The following MED25 variants were observed in gnomAD, a reference collection of about 807,000 sequenced individuals.
The protein encoded by MED25 is mediator complex subunit 25.
A neutral mutation model predicts 89.4 loss-of-function variants in MED25; 62 were observed. That is an observed-to-expected ratio of 0.69 (90% CI 0.57 to 0.86). The LOEUF is 0.86. Ranked by LOEUF, MED25 falls within the 40% of genes least tolerant of loss-of-function variation. The probability of loss-of-function intolerance (pLI) is 0.00; values close to 1 mark genes in which losing one functional copy is unlikely to be tolerated. For synonymous variants in MED25, 449 were observed against 427.9 expected, an observed-to-expected ratio of 1.05 and a Z score of -0.61; for missense variants, 905 against 1,005.2, an observed-to-expected ratio of 0.90 and a Z score of 1.35.
chr19:49,836,942 T>C lies in MED25; in HGVS notation c.2242T>C (p.Ter748ArgextTer6). 3.1e-6 allele frequency: 5 copies of C among 1,611,948 alleles called. No homozygotes were observed. The highest frequency in any genetic ancestry group is 4.2e-6 in the Non-Finnish European group (5 of 1,178,974). ...MEDDILMDLI[*>R] ...GGACGACATCCTCATGGATCTCATC[T>C]GAATCCCCAACACCCAATAAAGTTC... Residue 748 changes from the stop codon to arginine, a stop_lost, in exon 18 of 18, where the codon TGA (stop) becomes CGA (arginine). Transcript: ENST00000312865. The surrounding 1 kb of genome is among the most constrained non-coding windows in gnomAD (Gnocchi z 5.1).
rs769351702 is a variant in MED25 at position 49,836,181 on chromosome 19, G to C, written c.1966-45G>C. On this transcript the variant is annotated intron_variant, in intron 16 of 17. Coordinates refer to ENST00000312865, the MANE Select transcript of MED25 (RefSeq NM_030973.4). The surrounding 1 kb of genome is among the most constrained non-coding windows in gnomAD (Gnocchi z 5.1). ...AGCAGTGTCTGTGTTGAGAGGTGGG[G>C]AGTCTCTACCAGGAGCCTCTGAGCC... The C allele has an allele frequency of 3.1e-6, 5 of 1,595,660 alleles. No homozygotes were observed. The Admixed American group carries it at 6.7e-5, about 21-fold the overall frequency.
downstream of MED25, chr19:49,838,619 G>A (rs548676051): frequency 5.7e-5 from 26 of 457,366 alleles, no homozygotes; most frequent in Non-Finnish European, 9.7e-5. Flanking sequence ...CGTGTGTTTC[G>A]AGAAAAATGG....
At chr19:49,819,500 T>TG (rs1427365188) in intron 3 of MED25, 1 of 608,884 alleles carries the variant, frequency 1.6e-6, no homozygotes, top group East Asian at 3.1e-5. Context: ...AGCGATGGCT[T>TG]GGGTTTGAGC....
At chr19:49,838,931 A>G (rs1032078311), downstream of MED25, 54 of 370,886 alleles carry the variant, frequency 1.5e-4, no homozygotes, top group African/African-American at 1.1e-3. Context: ...GCAGATGGCA[A>G]GTTTATAAAG....
chr19:49,836,860 G>A lies in MED25; in HGVS notation c.2160G>A (p.Leu720=), dbSNP rs1181743382. ...PRAPLPGQML[L]SGGPRGPVPQ... is the part of the protein sequence containing the mutation. Reference sequence around the variant, plus strand: ...ACTGCCCCTCAGGTCAGATGCTGCTGAGCGGGGGTCCCCGGGGCCCGGTCC... The same window carrying A: ...ACTGCCCCTCAGGTCAGATGCTGCTAAGCGGGGGTCCCCGGGGCCCGGTCC... Residue 720 remains leucine (L), a synonymous_variant, in exon 18 of 18, where the codon CTG becomes CTA. Transcript: ENST00000312865. The surrounding 1 kb of genome is among the most constrained non-coding windows in gnomAD (Gnocchi z 5.1). The A allele has an allele frequency of 1.2e-6, 2 of 1,611,406 alleles. No homozygotes were observed. Among genetic ancestry groups the A allele is most frequent in the Admixed American group, 1.7e-5 (1 of 59,872 alleles).
chr19:49,820,887 C>G (rs575415706), intron 3 of MED25, among the ~76,000 whole-genome samples: 1 of 152,356 alleles, frequency 6.6e-6, no homozygotes, highest in East Asian at 1.9e-4. Context: ...AGTCTGTCCC[C>G]TCTGTGCCTA....
Position 49,835,300 on chromosome 19 carries a change from A to G in MED25, c.1674+123A>G, listed in dbSNP as rs2074087508. The stretch of plus-strand genomic sequence containing the variant: ...TCCCAATATGTGGTGCCTCCAAGCT[A>G]AGTCCCACTCAGATTTTCTTGCAGT... On this transcript the variant is annotated intron_variant, in intron 14 of 17. Transcript: ENST00000312865. The surrounding 1 kb of genome is among the most constrained non-coding windows in gnomAD (Gnocchi z 6.2). 1 of 1,145,690 alleles carries G rather than the reference A, an allele frequency of 8.7e-7. No individual in the cohort carries two copies. The highest frequency in any genetic ancestry group is 1.3e-6 in the Non-Finnish European group (1 of 762,642). The allele number at this position is 1,145,690 out of a possible 1,614,324, so 71.0% of individuals were successfully genotyped here. A position where few individuals can be genotyped will look rare whatever the true frequency, so the allele number is the denominator to read the frequency against.
At position 49,830,295 on chromosome 19, in the gene MED25, A is replaced by G; in HGVS notation, c.819+77A>G. Reference sequence around the variant, plus strand: ...GGCCCCTGGGGAGAAATCTAGTTGCATGTTGGAGCTTGTGGGATGATGGGA... The same window carrying G: ...GGCCCCTGGGGAGAAATCTAGTTGCGTGTTGGAGCTTGTGGGATGATGGGA... On this transcript the variant is annotated intron_variant, in intron 7 of 17. Transcript: ENST00000312865. This position sits in a 1 kb window ranked among gnomAD's most constrained non-coding sequence, Gnocchi z 4.6. The G allele has an allele frequency of 2.7e-6, 4 of 1,462,192 alleles. No individual in the cohort carries two copies. The highest frequency in any genetic ancestry group is 3.6e-5 in the Admixed American group (2 of 55,354). 90.6% of individuals were successfully genotyped at this position (1,462,192 alleles called of 1,614,324 possible).
In MED25 at chr19:49,830,223, G is replaced by A. The variant is rs2074045208; in HGVS notation, c.819+5G>A. On this transcript the variant is annotated splice_donor_5th_base_variant and intron_variant, in intron 7 of 17. Coordinates refer to ENST00000312865, the MANE Select transcript of MED25 (RefSeq NM_030973.4). The surrounding 1 kb of genome is among the most constrained non-coding windows in gnomAD (Gnocchi z 4.6). ...CCCGTCCCCCCGCAGTACCAGGTAT[G>A]GATATTTCCGGGAAGGGACATGCTT... 1.9e-6 allele frequency: 3 copies of A among 1,606,662 alleles called. No individual in the cohort carries two copies. The highest frequency in any genetic ancestry group is 2.6e-6 in the Non-Finnish European group (3 of 1,176,204).
intron 3 of MED25, among the ~76,000 whole-genome samples, chr19:49,825,818 C>T (rs767827429): frequency 5.9e-5 from 9 of 151,352 alleles, no homozygotes; most frequent in Admixed American, 2.0e-4. Context: ...GCAACAAGAG[C>T]GAAACTCCAT....
chr19:49,826,868 C>CAGGAGAA (rs1214935268), intron 3 of MED25, among the ~76,000 whole-genome samples: 2 of 152,138 alleles, frequency 1.3e-5, no homozygotes, highest in African/African-American at 4.8e-5. Flanking sequence ...GGGCATGGAG[C>CAGGAGAA]AGGAGAGATG....
chr19:49,840,359 T>C (rs1420545767), downstream of MED25: 1 of 152,232 alleles, frequency 6.6e-6, no homozygotes, highest in Non-Finnish European at 1.5e-5. Flanking sequence ...TTCACCATAG[T>C]TGAGTAAAGA....
Position 49,835,290 on chromosome 19 carries a change from C to A in MED25, c.1674+113C>A. 1.6e-6 allele frequency: 2 copies of A among 1,215,934 alleles called. No homozygotes were observed. Among genetic ancestry groups the A allele is most frequent in the Non-Finnish European group, 2.4e-6 (2 of 822,858 alleles). The allele number at this position is 1,215,934 out of a possible 1,614,324, so 75.3% of individuals were successfully genotyped here. A position where few individuals can be genotyped will look rare whatever the true frequency, so the allele number is the denominator to read the frequency against. On this transcript the variant is annotated intron_variant, in intron 14 of 17. Coordinates refer to ENST00000312865, the MANE Select transcript of MED25 (RefSeq NM_030973.4). This position sits in a 1 kb window ranked among gnomAD's most constrained non-coding sequence, Gnocchi z 6.2. ...CCCACCCTTCTCCCAATATGTGGTG[C>A]CTCCAAGCTAAGTCCCACTCAGATT...
In MED25 at chr19:49,819,165, C is replaced by T. The variant is rs1640511; in HGVS notation, c.181-7C>T. The T allele has an allele frequency of 1.5e-5, 25 of 1,614,156 alleles. No individual in the cohort carries two copies. Among genetic ancestry groups the T allele is most frequent in the African/African-American group, 8.0e-5 (6 of 75,060 alleles). ...CAGATTAAAAGTTTTCTGTCCTCCC[C>T]TCCCAGTATGGGGGGACCCAGTACA... is the stretch of plus-strand genomic sequence containing the variant. On this transcript the variant is annotated splice_region_variant and splice_polypyrimidine_tract_variant and intron_variant, in intron 2 of 17. Coordinates refer to ENST00000312865, the MANE Select transcript of MED25 (RefSeq NM_030973.4).
In MED25 at chr19:49,831,407, GCAGT is replaced by G. The variant is rs2074056724; in HGVS notation, c.1182_1185del (p.Val395ProfsTer28). ...TGGGAGCCCCAGCCCTCGGTGGGCA[GCAGT>G]CAGTCTCCAATAAGCTTCTGGCCTG... On this transcript the variant is annotated frameshift_variant, in exon 10 of 18. Coordinates refer to ENST00000312865, the MANE Select transcript of MED25 (RefSeq NM_030973.4). LOFTEE classifies it high-confidence loss of function. The surrounding 1 kb of genome is among the most constrained non-coding windows in gnomAD (Gnocchi z 5.0). 1 of 1,611,542 alleles carries G rather than the reference GCAGT, an allele frequency of 6.2e-7. No individual in the cohort carries two copies. Among genetic ancestry groups the G allele is most frequent in the Non-Finnish European group, 8.5e-7 (1 of 1,179,018 alleles).
At chr19:49,826,976 A>G (rs1412470720) in intron 3 of MED25, among the ~76,000 whole-genome samples, 1 of 152,162 alleles carries the variant, frequency 6.6e-6, no homozygotes, top group African/African-American at 2.4e-5. Context: ...GGGCCTGTAG[A>G]CGTTCATTCA....
rs761268819 is a variant in MED25, at chr19:49,832,001, C to T, written c.1296C>T (p.Tyr432=). 10 of 1,613,744 alleles carry T rather than the reference C, an allele frequency of 6.2e-6. No individual in the cohort carries two copies. The highest frequency in any genetic ancestry group is 1.7e-4 in the Middle Eastern group (1 of 6,056). Residue 432 remains tyrosine (Y), a synonymous_variant, in exon 11 of 18, where the codon TAC becomes TAT. Transcript: ENST00000312865. ...CGCGGTCACTGCCCTGCCAGGTCTA[C>T]GTGAATCATGGCGAGAACCTGTAGG... ...KLTRSLPCQV[Y]VNHGENLKTE...
chr19:49,836,909 G>A lies in MED25; in HGVS notation c.2209G>A (p.Val737Ile), dbSNP rs767118345. The stretch of plus-strand genomic sequence containing the variant: ...CCCCCAGCCGGGCCTGCAGCCCAGC[G>A]TCATGGAGGACGACATCCTCATGGA... Reference protein sequence around the residue: ...PVPQPGLQPSVMEDDILMDLI With the variant: ...PVPQPGLQPSIMEDDILMDLI Residue 737 changes from valine to isoleucine, a missense_variant, in exon 18 of 18, where the codon GTC becomes ATC. Around this residue, in one of 3 missense-constraint regions of MED25, gnomAD observed 271 missense variants for 258.1 expected, o/e 1.05. Coordinates refer to ENST00000312865, the MANE Select transcript of MED25 (RefSeq NM_030973.4). This position sits in a 1 kb window ranked among gnomAD's most constrained non-coding sequence, Gnocchi z 5.1. 4.3e-5 allele frequency: 70 copies of A among 1,612,922 alleles called. No homozygotes were observed. The highest frequency in any genetic ancestry group is 5.4e-5 in the Non-Finnish European group (64 of 1,179,858).
At chr19:49,825,361 G>A (rs550088134) in intron 3 of MED25, among the ~76,000 whole-genome samples, 1 of 152,136 alleles carries the variant, frequency 6.6e-6, no homozygotes, top group East Asian at 2.0e-4. Flanking sequence ...TGATTCTCCT[G>A]CCTCAGCCTC....
Sources: allele counts gnomAD v4.1 joint callset (sites outside exome capture counted in the v4.1 genomes callset), GRCh38; gene constraint gnomAD v4.1.1; regional missense constraint gnomAD v4.1.1; non-coding constraint Gnocchi (gnomAD v3.1); transcripts MANE v1.5; gene names NCBI Gene and HGNC (gene_info 2026-07-23, HGNC 2026-07-21).